The following GPC6 variants were observed in gnomAD, a reference collection of about 807,000 sequenced individuals.
GPC6 encodes glypican-6.
Under a neutral mutation model 55.2 loss-of-function variants are expected in GPC6, and 14 were observed. The ratio of observed to expected loss-of-function variants is 0.25; its 90% confidence interval spans 0.17 to 0.40. The LOEUF is 0.40. Among genes scored for constraint, GPC6 ranks in the 10% least tolerant of loss-of-function variants. GPC6 has a pLI of 1.00. For missense variants in GPC6, 641 were observed against 708.5 expected, an observed-to-expected ratio of 0.90 and a Z score of 1.08; for synonymous variants, 278 against 259.6, an observed-to-expected ratio of 1.07 and a Z score of -0.68.
intron 4 of GPC6, among the ~76,000 whole-genome samples, chr13:94,130,129 T>C (rs975238897): frequency 6.6e-6 from 1 of 152,192 alleles, no homozygotes; most frequent in Non-Finnish European, 1.5e-5. Flanking sequence ...TTGAGTACTA[T>C]AAATAAAACT....
At chr13:93,598,313 T>C (rs1877857914) in intron 2 of GPC6, among the ~76,000 whole-genome samples, 2 of 152,330 alleles carry the variant, frequency 1.3e-5, no homozygotes, top group Admixed American at 6.5e-5. Context: ...GTCTCTGTTA[T>C]GAATACTTAG....
chr13:93,220,234 T>G, the GPC6 span, among the ~76,000 whole-genome samples: 2 of 152,368 alleles, frequency 1.3e-5, no homozygotes, highest in East Asian at 3.9e-4. Flanking sequence ...CCCTACCGAA[T>G]AAGCCTGTGT....
At chr13:93,765,131 T>G (rs1001482999) in intron 2 of GPC6, among the ~76,000 whole-genome samples, 1 of 152,128 alleles carries the variant, frequency 6.6e-6, no homozygotes, top group Admixed American at 6.6e-5. Context: ...TAAGCATATG[T>G]TTTTATAGGT....
intron 4 of GPC6, among the ~76,000 whole-genome samples, chr13:94,125,076 A>T (rs1023212765): frequency 6.6e-5 from 10 of 152,186 alleles, no homozygotes; most frequent in Non-Finnish European, 1.3e-4. Flanking sequence ...ACTTAACCTT[A>T]AATACAAGAG....
intron 4 of GPC6, among the ~76,000 whole-genome samples, chr13:94,270,094 T>C (rs1224559606): frequency 6.6e-6 from 1 of 152,214 alleles, no homozygotes; most frequent in Non-Finnish European, 1.5e-5. Context: ...ATATATTACA[T>C]TGTGGAATCA....
Position 93,227,870 on chromosome 13 carries a change from C to T in GPC6, c.160+254C>T, listed in dbSNP as rs566135957. Among the ~76,000 whole-genome samples the T allele has an allele frequency of 6.6e-6, 1 of 152,294 alleles. No individual in the cohort carries two copies. Among genetic ancestry groups the T allele is most frequent in the East Asian group, 2.0e-4 (1 of 5,110 alleles). ...TGGCTCCCGCCTCCCGCTGCTCTCG[C>T]GCCCTTCTACCCCTTAGTTGATGGC... is the stretch of plus-strand genomic sequence containing the variant. On this transcript the variant is annotated intron_variant, in intron 1 of 8. Transcript: ENST00000377047. The surrounding 1 kb of genome is among the most constrained non-coding windows in gnomAD (Gnocchi z 4.3).
At chr13:93,588,652 A>T (rs1427575866) in intron 2 of GPC6, among the ~76,000 whole-genome samples, 1 of 152,116 alleles carries the variant, frequency 6.6e-6, no homozygotes, top group Non-Finnish European at 1.5e-5. Context: ...TAATCTTATA[A>T]TCATGGTGGA....
chr13:94,349,845 A>G (rs1878453529), intron 6 of GPC6, among the ~76,000 whole-genome samples: 1 of 152,128 alleles, frequency 6.6e-6, no homozygotes, highest in South Asian at 2.1e-4. Flanking sequence ...ATTCTTAACT[A>G]TGTATCTATC....
intron 4 of GPC6, among the ~76,000 whole-genome samples, chr13:94,064,377 A>G (rs757957234): frequency 2.6e-5 from 4 of 152,030 alleles, no homozygotes; most frequent in Non-Finnish European, 4.4e-5. Flanking sequence ...ATTTCAACAC[A>G]CTTGAAAAAG....
At chr13:93,461,660 C>A (rs1196311511) in intron 1 of GPC6, among the ~76,000 whole-genome samples, 1 of 73,194 alleles carries the variant, frequency 1.4e-5, no homozygotes, top group African/African-American at 5.9e-5. Context: ...TACTAGGTCC[C>A]GGCGGGGGGG....
chr13:94,338,680 TA>T (rs560632962), intron 6 of GPC6, among the ~76,000 whole-genome samples: 95 of 152,298 alleles, frequency 6.2e-4, no homozygotes, highest in African/African-American at 2.2e-3. Flanking sequence ...TTAATCCAGA[TA>T]AAAATCCTGA....
At chr13:93,916,067 C>G (rs962652681) in intron 3 of GPC6, among the ~76,000 whole-genome samples, 1 of 151,878 alleles carries the variant, frequency 6.6e-6, no homozygotes, top group Non-Finnish European at 1.5e-5. Context: ...CCCAGCATCA[C>G]GGGAGTAGGC....
chr13:94,343,920 C>T (rs1878161422), intron 6 of GPC6, among the ~76,000 whole-genome samples: 1 of 151,986 alleles, frequency 6.6e-6, no homozygotes, highest in Non-Finnish European at 1.5e-5. Flanking sequence ...TTGTAGAGAC[C>T]AGGTCTCACT....
At chr13:93,927,875 CT>C (rs1191045596) in intron 3 of GPC6, among the ~76,000 whole-genome samples, 2 of 152,062 alleles carry the variant, frequency 1.3e-5, no homozygotes, top group Non-Finnish European at 2.9e-5. Context: ...AACTGTGAGT[CT>C]TATTACTCAA....
chr13:93,386,098 T>TAAAA lies in GPC6; in HGVS notation c.160+158498_160+158501dup, dbSNP rs34852109. The stretch of plus-strand genomic sequence containing the variant: ...AGGGGGAATGGAATGACCACTTTGT[T>TAAAA]AAAAAAAAAAAAAAAAAAAGCCCAC... On this transcript the variant is annotated intron_variant, in intron 1 of 8. Transcript: ENST00000377047. Among the ~76,000 whole-genome samples, 136 of 127,748 alleles carry TAAAA rather than the reference T, an allele frequency of 1.1e-3. 1 individual carries two copies. Among genetic ancestry groups the TAAAA allele is most frequent in the African/African-American group, 3.7e-3 (128 of 34,576 alleles). The allele number at this position is 127,748 out of a possible 152,430, so 83.8% of individuals were successfully genotyped here. A position where few individuals can be genotyped will look rare whatever the true frequency, so the allele number is the denominator to read the frequency against.
At chr13:94,270,964 ATTTTTTTTTTTTTTTTTT>A (rs764819082) in intron 4 of GPC6, among the ~76,000 whole-genome samples, 8 of 49,672 alleles carry the variant, frequency 1.6e-4, no homozygotes, top group Admixed American at 9.8e-4. Flanking sequence ...GAGAAGTATA[ATTTTTTTTTTTTTTTTTT>A]TTTTTTTTTT....
intron 1 of GPC6, among the ~76,000 whole-genome samples, chr13:93,383,155 T>G (rs1439513877): frequency 6.6e-6 from 1 of 152,140 alleles, no homozygotes; most frequent in East Asian, 1.9e-4. Context: ...AAACAATATC[T>G]CCAGTGCATT....
chr13:93,824,384 C>G (rs368925333), intron 2 of GPC6, among the ~76,000 whole-genome samples: 1 of 152,176 alleles, frequency 6.6e-6, no homozygotes, highest in African/African-American at 2.4e-5. Context: ...GGAATTAACT[C>G]TAATGTAGCA....
At chr13:93,910,780 C>A (rs1460582734) in intron 3 of GPC6, among the ~76,000 whole-genome samples, 2 of 152,194 alleles carry the variant, frequency 1.3e-5, no homozygotes, top group African/African-American at 2.4e-5. Flanking sequence ...ACATCACCAA[C>A]CCTGACAGTA....
Sources: allele counts gnomAD v4.1 joint callset (sites outside exome capture counted in the v4.1 genomes callset), GRCh38; gene constraint gnomAD v4.1.1; non-coding constraint Gnocchi (gnomAD v3.1); transcripts MANE v1.5; gene names NCBI Gene and HGNC (gene_info 2026-07-23, HGNC 2026-07-21).